WWOX: variants seen among roughly 807,000 people sequenced by gnomAD.
The protein encoded by WWOX is WW domain-containing oxidoreductase.
In WWOX, 69 loss-of-function variants were observed where a neutral mutation model predicts 46.2. That is an observed-to-expected ratio of 1.49 (90% CI 1.23 to 1.82). The LOEUF (loss-of-function observed/expected upper bound fraction) is 1.82, where lower values mean the gene tolerates loss of function less well. Among genes scored for constraint, WWOX ranks in the 40% most tolerant of loss-of-function variants. The pLI, the probability that WWOX is intolerant of heterozygous loss-of-function variation, is 0.00. For synonymous variants in WWOX, 359 were observed against 202.6 expected, an observed-to-expected ratio of 1.77 and a Z score of -6.56; for missense variants, 919 against 542.6, an observed-to-expected ratio of 1.69 and a Z score of -6.89.
At chr16:79,053,493 A>G (rs2048207627) in intron 8 of WWOX, among the ~76,000 whole-genome samples, 1 of 152,222 alleles carries the variant, frequency 6.6e-6, no homozygotes, top group Non-Finnish European at 1.5e-5. Flanking sequence ...TTGCACAGTA[A>G]GGTAATGTAA....
rs140196961 is a variant in WWOX at position 78,262,645 on chromosome 16, G to A, written c.516+98356G>A. 1.8e-3 allele frequency among the ~76,000 whole-genome samples: 272 copies of A among 152,208 alleles called. 8 individuals carry two copies. Among genetic ancestry groups the A allele is most frequent in the Admixed American group, 0.017 (261 of 15,292 alleles). On this transcript the variant is annotated intron_variant, in intron 5 of 8. Coordinates refer to ENST00000566780, the MANE Select transcript of WWOX (RefSeq NM_016373.4). ...GTATAATCTAATGAGAACAGTTGGA[G>A]AAGGTCAGGCAAAGGGGACAGGACA...
At chr16:78,767,597 G>A (rs118066564) in intron 8 of WWOX, among the ~76,000 whole-genome samples, 17 of 152,034 alleles carry the variant, frequency 1.1e-4, no homozygotes, top group Non-Finnish European at 2.5e-4. Flanking sequence ...GAGTGAAATT[G>A]CTGCGTCGTT....
intron 8 of WWOX, among the ~76,000 whole-genome samples, chr16:78,975,996 T>C (rs2046565136): frequency 6.6e-6 from 1 of 152,170 alleles, no homozygotes; most frequent in Non-Finnish European, 1.5e-5. Context: ...CTTTGCAAAG[T>C]CTTTTTATGG....
intron 8 of WWOX, among the ~76,000 whole-genome samples, chr16:78,712,484 G>C (rs1420212499): frequency 1.3e-5 from 2 of 151,064 alleles, no homozygotes; most frequent in African/African-American, 2.4e-5. Flanking sequence ...CCTGGTGACA[G>C]AGTGAGACTC....
At chr16:78,488,568 C>T (rs72801921) in intron 8 of WWOX, among the ~76,000 whole-genome samples, 18,214 of 152,108 alleles carry the variant, frequency 0.12, 1,222 homozygotes, top group African/African-American at 0.18. Flanking sequence ...CTACCTGGAG[C>T]CTGGGTCCTC....
chr16:78,483,235 C>G (rs1597148013), intron 8 of WWOX, among the ~76,000 whole-genome samples: 2 of 152,108 alleles, frequency 1.3e-5, no homozygotes, highest in Non-Finnish European at 1.5e-5. Context: ...TTGAAAAATA[C>G]TCTGTCTTTA....
intron 8 of WWOX, among the ~76,000 whole-genome samples, chr16:78,928,504 A>G (rs866707413): frequency 6.6e-6 from 1 of 151,968 alleles, no homozygotes; most frequent in African/African-American, 2.4e-5. Flanking sequence ...GCCCGGCCCC[A>G]CTTTTCTTGT....
intron 8 of WWOX, among the ~76,000 whole-genome samples, chr16:78,487,695 T>TA: frequency 6.6e-6 from 1 of 152,236 alleles, no homozygotes; most frequent in African/African-American, 2.4e-5. Flanking sequence ...GTAGGGATAA[T>TA]AAAAACATGT....
intron 5 of WWOX, among the ~76,000 whole-genome samples, chr16:78,364,305 T>G (rs896493387): frequency 3.3e-5 from 5 of 152,336 alleles, no homozygotes; most frequent in Middle Eastern, 3.4e-3. Flanking sequence ...GGGAATTGGA[T>G]ATTGTCTATC....
chr16:79,199,687 G>C (rs1205929876), intron 8 of WWOX, among the ~76,000 whole-genome samples: 1 of 152,088 alleles, frequency 6.6e-6, no homozygotes, highest in African/African-American at 2.4e-5. Context: ...TACATGAAGA[G>C]GACTGCCTTG....
At chr16:78,773,673 C>G (rs768449477) in intron 8 of WWOX, among the ~76,000 whole-genome samples, 2 of 152,166 alleles carry the variant, frequency 1.3e-5, no homozygotes, top group Non-Finnish European at 2.9e-5. Flanking sequence ...TTATTAAAAA[C>G]GAAATCACAG....
intron 8 of WWOX, among the ~76,000 whole-genome samples, chr16:78,957,598 G>A (rs2046193546): frequency 1.3e-5 from 2 of 152,130 alleles, no homozygotes; most frequent in Admixed American, 6.5e-5. Context: ...ACTCAGTCAC[G>A]TTACTGAGGT....
intron 8 of WWOX, among the ~76,000 whole-genome samples, chr16:79,050,151 C>A (rs2048139532): frequency 6.6e-6 from 1 of 152,192 alleles, no homozygotes; most frequent in Admixed American, 6.5e-5. Flanking sequence ...TCAGTATTTA[C>A]TTCTCACGTG....
intron 4 of WWOX, among the ~76,000 whole-genome samples, chr16:78,143,493 CTCA>C (rs1279030404): frequency 6.6e-6 from 1 of 152,148 alleles, no homozygotes; most frequent in Non-Finnish European, 1.5e-5. Flanking sequence ...AACACGGGTG[CTCA>C]TCGTTTACAT....
chr16:78,980,738 T>G (rs777468563), intron 8 of WWOX, among the ~76,000 whole-genome samples: 1 of 152,184 alleles, frequency 6.6e-6, no homozygotes, highest in Non-Finnish European at 1.5e-5. Flanking sequence ...AAGGAGACTT[T>G]AGCTACTACC....
At chr16:78,798,498 C>G (rs1281450130) in intron 8 of WWOX, among the ~76,000 whole-genome samples, 3 of 151,850 alleles carry the variant, frequency 2.0e-5, no homozygotes, top group Admixed American at 6.6e-5. Flanking sequence ...ATTGTACAGC[C>G]TGTACTTGAG....
At chr16:78,333,380 AATTTT>A (rs1251038737) in intron 5 of WWOX, among the ~76,000 whole-genome samples, 2 of 151,952 alleles carry the variant, frequency 1.3e-5, no homozygotes, top group Admixed American at 1.3e-4. Context: ...CATTTTTTAA[AATTTT>A]ATTTTAATGT....
chr16:78,431,600 T>C (rs12325302), intron 7 of WWOX, among the ~76,000 whole-genome samples: 6,461 of 152,224 alleles, frequency 0.042, 304 homozygotes, highest in African/African-American at 0.12. Flanking sequence ...TTGAAAAATA[T>C]ATGTTAGAGG....
chr16:78,754,807 T>G (rs753351726), intron 8 of WWOX, among the ~76,000 whole-genome samples: 13 of 152,138 alleles, frequency 8.5e-5, no homozygotes, highest in African/African-American at 2.9e-4. Context: ...CCTCTACTTA[T>G]AGATCTGCAC....
Sources: allele counts gnomAD v4.1 joint callset (sites outside exome capture counted in the v4.1 genomes callset), GRCh38; gene constraint gnomAD v4.1.1; transcripts MANE v1.5; gene names NCBI Gene and HGNC (gene_info 2026-07-23, HGNC 2026-07-21).